The following TTLL4 variants were observed in gnomAD, a reference collection of about 807,000 sequenced individuals.
TTLL4 encodes the protein tubulin monoglutamylase TTLL4.
In TTLL4, 85 loss-of-function variants were observed where a neutral mutation model predicts 122.7. The observed-to-expected ratio is 0.69, with a 90% CI of 0.58 to 0.83. TTLL4 has a LOEUF of 0.83. Ranked by LOEUF, TTLL4 falls within the 40% of genes least tolerant of loss-of-function variation. The pLI is 0.00. For synonymous variants in TTLL4, 553 were observed against 563.0 expected (o/e 0.98, Z 0.25); for missense variants, 1,363 against 1,488.6 (o/e 0.92, Z 1.39).
chr2:218,717,845 C>G (rs1336338009), intron 1 of TTLL4, among the ~76,000 whole-genome samples: 1 of 151,742 alleles, frequency 6.6e-6, no homozygotes, highest in Non-Finnish European at 1.5e-5. Flanking sequence ...GTCACCCAGG[C>G]TGGAGTGCAG....
Position 218,753,607 on chromosome 2 carries a change from G to C in TTLL4, c.3282G>C (p.Leu1094=). The C allele has an allele frequency of 2.5e-6, 4 of 1,614,154 alleles. No homozygotes were observed. Among genetic ancestry groups the C allele is most frequent in the Non-Finnish European group, 3.4e-6 (4 of 1,180,026 alleles). ...APVWSLPTSL[L]TISKDDVILN... is the part of the protein sequence containing the mutation. Reference sequence around the variant, plus strand: ...AGTGGTCTCTCCCGACATCACTTCTGACTATCTCAAAGGATGACGTGATAC... The same window carrying C: ...AGTGGTCTCTCCCGACATCACTTCTCACTATCTCAAAGGATGACGTGATAC... Residue 1094 remains leucine, a synonymous_variant, in exon 19 of 20, where the codon CTG becomes CTC. Transcript: ENST00000392102.
downstream of TTLL4, among the ~76,000 whole-genome samples, chr2:218,759,288 G>A (rs564465689): frequency 3.1e-4 from 47 of 152,022 alleles, no homozygotes; most frequent in Non-Finnish European, 5.7e-4. Context: ...TGTGGCTCAC[G>A]CCTGTAATCC....
At chr2:218,746,801 AC>A in intron 8 of TTLL4, 1 of 598,454 alleles carries the variant, frequency 1.7e-6, no homozygotes, top group Non-Finnish European at 2.9e-6. Flanking sequence ...GGCTTACATT[AC>A]TCTGTTTTGT....
chr2:218,757,829 C>A (rs79035516), downstream of TTLL4, among the ~76,000 whole-genome samples: 3 of 152,160 alleles, frequency 2.0e-5, no homozygotes, highest in Non-Finnish European at 2.9e-5. Flanking sequence ...AGGTGACCAA[C>A]AAAGGCAGAC....
chr2:218,715,032 C>G (rs1941819304), intron 1 of TTLL4, among the ~76,000 whole-genome samples: 1 of 152,234 alleles, frequency 6.6e-6, no homozygotes, highest in Non-Finnish European at 1.5e-5. Context: ...TTAGTTAACA[C>G]AAACAGCATT....
chr2:218,758,617 GCAGT>G (rs946102350), downstream of TTLL4, among the ~76,000 whole-genome samples: 116 of 152,330 alleles, frequency 7.6e-4, no homozygotes, highest in African/African-American at 2.3e-3. Flanking sequence ...CCCATCATTA[GCAGT>G]CAGAGAAGAG....
downstream of TTLL4, among the ~76,000 whole-genome samples, chr2:218,757,191 AAG>A (rs1943168764): frequency 6.6e-6 from 1 of 152,174 alleles, no homozygotes; most frequent in South Asian, 2.1e-4. Context: ...CCTAGGTGGG[AAG>A]AGACAGGCAA....
chr2:218,744,057 G>A (rs373658715), intron 5 of TTLL4, among the ~76,000 whole-genome samples: 1 of 152,172 alleles, frequency 6.6e-6, no homozygotes, highest in East Asian at 1.9e-4. Context: ...TAAACCAAAA[G>A]CCTTTGAAGA....
chr2:218,748,332 C>T, intron 12 of TTLL4, 105 bp downstream of exon 12: 1 of 1,483,828 alleles, frequency 6.7e-7, no homozygotes, highest in Non-Finnish European at 9.0e-7. Context: ...TAATATAAGA[C>T]CCAGAGATAA....
At position 218,745,800 on chromosome 2, in the gene TTLL4, A is replaced by G. The variant is rs773463691; in HGVS notation, c.1896A>G (p.Lys632=). 5 of 1,611,900 alleles carry G rather than the reference A, an allele frequency of 3.1e-6. No individual in the cohort carries two copies. In the African/African-American group the frequency reaches 5.3e-5, roughly 17 times the overall value. The stretch of plus-strand genomic sequence containing the variant: ...GACGGTCCCACTTCAAAATCAGCAA[A>G]AGTGAGTTGCTTGCCTTACTGTGAG... The part of the protein sequence containing the change: ...TIGRSHFKIS[K]RNDDWLGCWG... The change falls in exon 7 of 20, where the codon AAA becomes AAG. Residue 632 remains lysine (K), a splice_region_variant and synonymous_variant. Transcript: ENST00000392102.
intron 8 of TTLL4, chr2:218,746,451 A>G (rs1429400591): frequency 3.7e-6 from 2 of 539,748 alleles, no homozygotes; most frequent in Non-Finnish European, 6.6e-6. Context: ...TTTCTTGCCT[A>G]TGTAGGGGGC....
chr2:218,721,956 T>C (rs1028838933), intron 1 of TTLL4, among the ~76,000 whole-genome samples: 7 of 150,970 alleles, frequency 4.6e-5, no homozygotes, highest in African/African-American at 1.7e-4. Context: ...AGACTCTGTC[T>C]CTATTTAAAA....
intron 6 of TTLL4, 82 bp from the exon 7 acceptor site, chr2:218,745,609 C>A: frequency 1.1e-6 from 1 of 947,002 alleles, no homozygotes. Context: ...GAATGGGCAG[C>A]CATGCCATCT....
chr2:218,716,175 T>C (rs1559355364), intron 1 of TTLL4, among the ~76,000 whole-genome samples: 2 of 152,230 alleles, frequency 1.3e-5, no homozygotes, highest in Admixed American at 6.5e-5. Context: ...CTAATTTTCT[T>C]TGGGAAGCTC....
At chr2:218,750,641 A>G (rs1280772188) in intron 15 of TTLL4, among the ~76,000 whole-genome samples, 1 of 152,134 alleles carries the variant, frequency 6.6e-6, no homozygotes, top group Admixed American at 6.6e-5. Flanking sequence ...TGCCCTGACA[A>G]ACTGGATCGC....
rs181947904 is a variant in TTLL4 at position 218,747,491 on chromosome 2, C to G, written c.2250-106C>G. The G allele has an allele frequency of 8.9e-6, 14 of 1,574,494 alleles. No individual in the cohort carries two copies. The East Asian group carries it at 2.5e-4, about 28-fold the overall frequency. On this transcript the variant is annotated intron_variant, in intron 10 of 19. Coordinates refer to ENST00000392102, the MANE Select transcript of TTLL4 (RefSeq NM_014640.5). This position sits in a 1 kb window ranked among gnomAD's most constrained non-coding sequence, Gnocchi z 4.7. ...CAAAGAGCTTCCTTAGCCAACTGTT[C>G]TAAGGTCTTTATCTTGGGGACTGTT...
At chr2:218,742,487 C>T (rs1186931645) in intron 5 of TTLL4, among the ~76,000 whole-genome samples, 1 of 152,074 alleles carries the variant, frequency 6.6e-6, no homozygotes, top group Non-Finnish European at 1.5e-5. Flanking sequence ...CTCTAAGAAT[C>T]ATGTAATTTT....
chr2:218,738,406 C>T lies in TTLL4; in HGVS notation c.730C>T (p.Pro244Ser). The T allele has an allele frequency of 6.2e-7, 1 of 1,614,144 alleles. No homozygotes were observed. The highest frequency in any genetic ancestry group is 1.1e-5 in the South Asian group (1 of 91,088). Residue 244 changes from proline to serine, a missense_variant, in exon 3 of 20, where the codon CCA (proline) becomes TCA (serine). Pro to Ser is a moderately conservative substitution (Grantham distance 74). Transcript: ENST00000392102. ...CACACAGGGCCTGAAGCCAGTATCG[C>T]CACCCAAGATCCAGCCTGTCTCCTG... ...QTTQGLKPVSPPKIQPVSWHH... is the reference protein window; with the variant it reads ...QTTQGLKPVSSPKIQPVSWHH...
At chr2:218,734,371 G>A (rs1195847847) in intron 2 of TTLL4, among the ~76,000 whole-genome samples, 1 of 152,160 alleles carries the variant, frequency 6.6e-6, no homozygotes, top group African/African-American at 2.4e-5. Context: ...CACTTCCTGT[G>A]TATCAGTCAC....
Sources: allele counts gnomAD v4.1 joint callset (sites outside exome capture counted in the v4.1 genomes callset), GRCh38; gene constraint gnomAD v4.1.1; non-coding constraint Gnocchi (gnomAD v3.1); transcripts MANE v1.5; gene names NCBI Gene and HGNC (gene_info 2026-07-23, HGNC 2026-07-21).